Variants in HCK observed in about 807,000 individuals in gnomAD.
HCK encodes the protein tyrosine-protein kinase HCK.
A neutral mutation model predicts 70.4 loss-of-function variants in HCK; 40 were observed. That is an observed-to-expected ratio of 0.57 (90% CI 0.44 to 0.74). The LOEUF (loss-of-function observed/expected upper bound fraction) is 0.74. Ranked by LOEUF, HCK falls within the 30% of genes least tolerant of loss-of-function variation. The pLI, the probability that HCK is intolerant of heterozygous loss-of-function variation, is 0.00. For missense variants in HCK, 568 were observed against 697.2 expected (o/e 0.81, Z 2.09); for synonymous variants, 245 against 263.2 (o/e 0.93, Z 0.67).
At chr20:32,100,894 C>T (rs2046023668) in intron 12 of HCK, among the ~76,000 whole-genome samples, 1 of 152,168 alleles carries the variant, frequency 6.6e-6, no homozygotes, top group African/African-American at 2.4e-5. Context: ...ATCTATTACT[C>T]CCAATCTTCC....
intron 11 of HCK, among the ~76,000 whole-genome samples, chr20:32,098,015 A>T (rs1170776501): frequency 6.6e-6 from 1 of 150,384 alleles, no homozygotes; most frequent in Non-Finnish European, 1.5e-5. Context: ...CTGTCTCTAC[A>T]AATTTTTCTA....
chr20:32,094,088 G>A, intron 11 of HCK, 72 bp downstream of exon 11: 1 of 1,438,144 alleles, frequency 7.0e-7, no homozygotes, highest in Non-Finnish European at 9.6e-7. Flanking sequence ...TGATACTTGT[G>A]AGAGCGATTG....
At chr20:32,059,409 TTCTC>T (rs960908878) in intron 1 of HCK, among the ~76,000 whole-genome samples, 4 of 86,854 alleles carry the variant, frequency 4.6e-5, no homozygotes, top group African/African-American at 7.5e-5. Context: ...CCTTTCTTCT[TTCTC>T]TCTCTCTCTT....
At chr20:32,068,024 C>T (rs1473588290) in intron 1 of HCK, among the ~76,000 whole-genome samples, 2 of 152,054 alleles carry the variant, frequency 1.3e-5, no homozygotes, top group Admixed American at 1.3e-4. Flanking sequence ...AGGCCAGGCG[C>T]AGTGGCTCAC....
At chr20:32,055,827 ACCC>A (rs1018608903) in intron 1 of HCK, among the ~76,000 whole-genome samples, 11 of 151,964 alleles carry the variant, frequency 7.2e-5, no homozygotes, top group African/African-American at 2.4e-4. Context: ...TTAAGCAATT[ACCC>A]CCCATTCCCC....
chr20:32,094,022 G>T lies in HCK; in HGVS notation c.1246+6G>T. 1.2e-6 allele frequency: 2 copies of T among 1,610,530 alleles called. No individual in the cohort carries two copies. The highest frequency in any genetic ancestry group is 1.7e-6 in the Non-Finnish European group (2 of 1,178,656). On this transcript the variant is annotated splice_donor_region_variant and intron_variant, in intron 11 of 12. Coordinates refer to ENST00000375852, the MANE Select transcript of HCK (RefSeq NM_002110.5). ...CGAGTACACGGCTCGGGAAGGTAGG[G>T]AACGCTGCCAAGCAGCCCCACGTTG...
intron 11 of HCK, among the ~76,000 whole-genome samples, chr20:32,095,217 A>G (rs1415421080): frequency 6.6e-6 from 1 of 152,170 alleles, no homozygotes; most frequent in Non-Finnish European, 1.5e-5. Flanking sequence ...TGAAGACCAC[A>G]TGTTGTATAA....
At chr20:32,095,902 T>TATTTA (rs1029864886) in intron 11 of HCK, among the ~76,000 whole-genome samples, 1 of 132,384 alleles carries the variant, frequency 7.6e-6, no homozygotes, top group Non-Finnish European at 1.6e-5. Flanking sequence ...TTTATTTATT[T>TATTTA]ATTTTGAGAC....
chr20:32,101,507 A>G lies in HCK; in HGVS notation c.1569A>G (p.Gln523=). 6.2e-7 allele frequency: 1 copy of G among 1,612,916 alleles called. No individual in the cohort carries two copies. Residue 523 remains glutamine (Q), a synonymous_variant, in exon 13 of 13, where the codon CAA becomes CAG. Transcript: ENST00000375852. ...ACACGGCCACAGAGAGCCAGTACCAACAGCAGCCATGATAGGGAGGACCAG... is the reference window on the plus strand; with the variant it reads ...ACACGGCCACAGAGAGCCAGTACCAGCAGCAGCCATGATAGGGAGGACCAG...
intron 11 of HCK, among the ~76,000 whole-genome samples, chr20:32,095,697 T>C (rs1196708554): frequency 6.6e-6 from 1 of 152,178 alleles, no homozygotes; most frequent in Non-Finnish European, 1.5e-5. Context: ...TCCACAACTT[T>C]GTAAATATTC....
chr20:32,073,454 T>G, intron 3 of HCK, 93 bp downstream of exon 3: 1 of 1,148,892 alleles, frequency 8.7e-7, no homozygotes, highest in Non-Finnish European at 1.3e-6. Context: ...TCCCAAACAG[T>G]CAAACCCCTG....
chr20:32,086,940 A>T, intron 9 of HCK, 133 bp downstream of exon 9: 1 of 744,828 alleles, frequency 1.3e-6, no homozygotes, highest in Middle Eastern at 4.1e-4. Flanking sequence ...ACAAGTACTC[A>T]TTGAGAATCT....
rs557344020 is a variant in HCK, at chr20:32,064,102, C to G, written c.63-7560C>G. Among the ~76,000 whole-genome samples, 217 of 142,878 alleles carry G rather than the reference C, an allele frequency of 1.5e-3. 1 individual carries two copies. Among genetic ancestry groups the G allele is most frequent in the African/African-American group, 5.3e-3 (207 of 38,954 alleles). The allele number at this position is 142,878 out of a possible 152,430, so 93.7% of individuals were successfully genotyped here. On this transcript the variant is annotated intron_variant, in intron 1 of 12. Transcript: ENST00000375852. ...CACTGCAACCTCCACCTCCCAGGTT[C>G]AAGCAATTCTCCAGCCTCAGCCTCC...
chr20:32,061,589 G>A (rs1028743819), intron 1 of HCK, among the ~76,000 whole-genome samples: 5 of 152,208 alleles, frequency 3.3e-5, no homozygotes, highest in African/African-American at 4.8e-5. Context: ...GAGTTGGGGG[G>A]CAGAGGATCC....
chr20:32,071,554 C>T, intron 1 of HCK, 108 bp from the exon 2 acceptor site: 2 of 1,417,860 alleles, frequency 1.4e-6, no homozygotes, highest in Non-Finnish European at 1.9e-6. Flanking sequence ...ACCGGGAAGG[C>T]CAGTGGGAGC....
intron 8 of HCK, among the ~76,000 whole-genome samples, chr20:32,085,521 A>C (rs2045772651): frequency 1.3e-5 from 2 of 152,102 alleles, no homozygotes; most frequent in Admixed American, 1.3e-4. Flanking sequence ...CTAAAAAATA[A>C]TAATAAAATT....
At chr20:32,099,388 C>G (rs1302548555) in intron 12 of HCK, among the ~76,000 whole-genome samples, 1 of 132,468 alleles carries the variant, frequency 7.5e-6, no homozygotes, top group African/African-American at 3.3e-5. Flanking sequence ...GACGGAGTCT[C>G]CCTCTGTCAC....
In HCK at chr20:32,099,036, G is replaced by A; in HGVS notation, c.1279G>A (p.Glu427Lys). ...GTTCCCCATCAAGTGGACAGCTCCT[G>A]AAGCCATCAACTTTGGCTCCTTCAC... Residue 427 changes from glutamate (E) to lysine (K), a missense_variant, in exon 12 of 13, where the codon GAA becomes AAA. Glu to Lys is a moderately conservative substitution (Grantham distance 56, BLOSUM62 1). Around this residue, in one of 4 missense-constraint regions of HCK, gnomAD observed 160 missense variants for 237.5 expected, o/e 0.67. Coordinates refer to ENST00000375852, the MANE Select transcript of HCK (RefSeq NM_002110.5). The A allele has an allele frequency of 6.2e-7, 1 of 1,614,146 alleles. No homozygotes were observed. Among genetic ancestry groups the A allele is most frequent in the Non-Finnish European group, 8.5e-7 (1 of 1,180,024 alleles).
chr20:32,072,021 A>G (rs1346313189), intron 2 of HCK: 2 of 531,570 alleles, frequency 3.8e-6, no homozygotes, highest in Middle Eastern at 4.9e-4. Context: ...CCTGAGCTCC[A>G]CCAAACAGGT....
Sources: gnomAD v4.1 joint callset for allele counts (sites outside exome capture counted in the v4.1 genomes callset) on GRCh38, gnomAD v4.1.1 for gene constraint, gnomAD v4.1.1 regional missense constraint, MANE v1.5 for transcripts, NCBI Gene and HGNC (gene_info 2026-07-23, HGNC 2026-07-21) for gene names.